DSP: variants seen among roughly 807,000 people sequenced by gnomAD.
DSP encodes the protein 250/210 kDa paraneoplastic pemphigus antigen.
Under a neutral mutation model 290.6 loss-of-function variants are expected in DSP, and 114 were observed. That is an observed-to-expected ratio of 0.39 (90% CI 0.34 to 0.46). DSP has a LOEUF of 0.46. DSP is among the 20% of genes least tolerant of loss of function. The pLI is 0.99. For synonymous variants in DSP, 1,311 were observed against 1,316.4 expected (o/e 1.00, Z 0.09); for missense variants, 3,230 against 3,495.8 (o/e 0.92, Z 1.92).
In DSP at chr6:7,582,741, G is replaced by A. The variant is rs747643627; in HGVS notation, c.5479G>A (p.Ala1827Thr). 2 of 1,613,784 alleles carry A rather than the reference G, an allele frequency of 1.2e-6. No homozygotes were observed. The highest frequency in any genetic ancestry group is 1.7e-6 in the Non-Finnish European group (2 of 1,179,816). ...VKIKVLEQDK[A>T]RLQRLEDELN... is the part of the protein sequence containing the mutation. ...AATCAAAGTCCTGGAGCAAGACAAG[G>A]CAAGGCTGCAGAGGCTGGAGGATGA... Residue 1827 changes from alanine to threonine, a missense_variant, in exon 24 of 24, where the codon GCA (alanine) becomes ACA (threonine). Transcript: ENST00000379802. The surrounding 1 kb of genome is among the most constrained non-coding windows in gnomAD (Gnocchi z 4.2).
chr6:7,574,998 A>T (rs987392133), intron 17 of DSP, among the ~76,000 whole-genome samples: 2 of 152,198 alleles, frequency 1.3e-5, no homozygotes, highest in African/African-American at 4.8e-5. Context: ...GTAATTCGTG[A>T]TGGGATTAGT....
Position 7,567,767 on chromosome 6 carries a change from C to G in DSP, c.1141-14C>G. 1 of 1,613,870 alleles carries G rather than the reference C, an allele frequency of 6.2e-7. No homozygotes were observed. The highest frequency in any genetic ancestry group is 1.1e-5 in the South Asian group (1 of 91,014). ...AGTTGCTGTTCATTCACTGATCACTCTCATCCTTCACAGTTTTTTGAAGAG... is the reference window on the plus strand; with the variant it reads ...AGTTGCTGTTCATTCACTGATCACTGTCATCCTTCACAGTTTTTTGAAGAG... On this transcript the variant is annotated splice_polypyrimidine_tract_variant and intron_variant, in intron 9 of 23. Transcript: ENST00000379802.
In DSP at chr6:7,583,447, A is replaced by C; in HGVS notation, c.6185A>C (p.His2062Pro). 5 of 1,614,156 alleles carry C rather than the reference A, an allele frequency of 3.1e-6. No individual in the cohort carries two copies. The highest frequency in any genetic ancestry group is 4.2e-6 in the Non-Finnish European group (5 of 1,180,032). The stretch of plus-strand genomic sequence containing the variant: ...GCTACAGGTGGTATAATTGATCCCC[A>C]TCGGAATGAGAAGCTGACTGTCGAC... ...QAATGGIIDP[H>P]RNEKLTVDSA... The change falls in exon 24 of 24, where the codon CAT becomes CCT. Residue 2062 changes from histidine to proline, a missense_variant. Coordinates refer to ENST00000379802, the MANE Select transcript of DSP (RefSeq NM_004415.4). This position sits in a 1 kb window ranked among gnomAD's most constrained non-coding sequence, Gnocchi z 4.0.
intron 1 of DSP, among the ~76,000 whole-genome samples, chr6:7,548,867 C>A (rs1475103970): frequency 6.6e-6 from 1 of 152,114 alleles, no homozygotes; most frequent in Non-Finnish European, 1.5e-5. Context: ...TGTTTTTCTT[C>A]CACTTTACTA....
At position 7,574,641 on chromosome 6, in the gene DSP, CT is replaced by C. The variant is rs750954662; in HGVS notation, c.2298-12del. On this transcript the variant is annotated splice_polypyrimidine_tract_variant and intron_variant, in intron 16 of 23. Transcript: ENST00000379802. Reference sequence around the variant, plus strand: ...ATGTCACTGGCAATTTTATGTGCTTCTTTTGCTCTTTCCAGCTTATGCACAG... The same window carrying C: ...ATGTCACTGGCAATTTTATGTGCTTCTTTGCTCTTTCCAGCTTATGCACAG... The C allele has an allele frequency of 3.1e-6, 5 of 1,613,938 alleles. 1 individual carries two copies. In the South Asian group the frequency reaches 5.5e-5, roughly 18 times the overall value.
chr6:7,571,624 T>C (rs1759056871), intron 14 of DSP, 40 bp downstream of exon 14: 5 of 1,611,834 alleles, frequency 3.1e-6, no homozygotes, highest in Non-Finnish European at 4.2e-6. Flanking sequence ...CAACCATCCA[T>C]ACCATTTTAA....
At chr6:7,543,695 GC>G (rs1758089174) in intron 1 of DSP, among the ~76,000 whole-genome samples, 1 of 151,954 alleles carries the variant, frequency 6.6e-6, no homozygotes, top group Non-Finnish European at 1.5e-5. Context: ...GCTCTTTTTG[GC>G]GTTTTCATGA....
Position 7,583,213 on chromosome 6 carries a change from A to T in DSP, c.5951A>T (p.Gln1984Leu), listed in dbSNP as rs749499739. The stretch of plus-strand genomic sequence containing the variant: ...ACAGCAATGCAGCTCTATGAGTGTC[A>T]GCTGATCGACAAAACAACCTTGGAC... The part of the protein sequence containing the change: ...KVTAMQLYEC[Q>L]LIDKTTLDKL... The change falls in exon 24 of 24, where the codon CAG (glutamine) becomes CTG (leucine). Residue 1984 changes from glutamine (Q) to leucine (L), a missense_variant. Around this residue, in one of 5 missense-constraint regions of DSP, gnomAD observed 1,714 missense variants for 1,844.5 expected, o/e 0.93. Coordinates refer to ENST00000379802, the MANE Select transcript of DSP (RefSeq NM_004415.4). This position sits in a 1 kb window ranked among gnomAD's most constrained non-coding sequence, Gnocchi z 4.0. 1.2e-6 allele frequency: 2 copies of T among 1,614,196 alleles called. No homozygotes were observed. The highest frequency in any genetic ancestry group is 1.7e-6 in the Non-Finnish European group (2 of 1,180,032).
Position 7,582,139 on chromosome 6 carries a change from GGT to G in DSP, c.5380-476_5380-475del, listed in dbSNP as rs10545097. Reference sequence around the variant, plus strand: ...GACAATATTTGTGTGTGGCTGGGTTGGTGTGTGTGTGTGTGTGTGTGTGTGTG... The same window carrying G: ...GACAATATTTGTGTGTGGCTGGGTTGGTGTGTGTGTGTGTGTGTGTGTGTG... On this transcript the variant is annotated intron_variant, in intron 23 of 23. Transcript: ENST00000379802. The surrounding 1 kb of genome is among the most constrained non-coding windows in gnomAD (Gnocchi z 4.2). 0.49 allele frequency among the ~76,000 whole-genome samples: 69,832 copies of G among 143,584 alleles called. 16,969 individuals carry two copies. The highest frequency in any genetic ancestry group is 0.52 in the Middle Eastern group (143 of 276). 94.2% of individuals were successfully genotyped at this position (143,584 alleles called of 152,430 possible).
chr6:7,585,082 G>T lies in DSP; in HGVS notation c.7820G>T (p.Ser2607Ile). Reference protein sequence around the residue: ...SSVRNLTIRSSSFSDTLEESS... With the variant: ...SSVRNLTIRSISFSDTLEESS... ...GTCAGGAATTTAACCATAAGGAGCA[G>T]CTCTTTTTCAGACACCCTGGAAGAA... The change falls in exon 24 of 24, where the codon AGC becomes ATC. Residue 2607 changes from serine (S) to isoleucine (I), a missense_variant. Around this residue, in one of 5 missense-constraint regions of DSP, gnomAD observed 582 missense variants for 555.4 expected, o/e 1.05. Transcript: ENST00000379802. The T allele has an allele frequency of 3.1e-6, 5 of 1,614,190 alleles. No individual in the cohort carries two copies. Among genetic ancestry groups the T allele is most frequent in the Non-Finnish European group, 4.2e-6 (5 of 1,180,032 alleles).
Position 7,584,860 on chromosome 6 carries a change from C to A in DSP, c.7598C>A (p.Ala2533Asp). The A allele has an allele frequency of 1.9e-6, 3 of 1,614,172 alleles. No homozygotes were observed. Among genetic ancestry groups the A allele is most frequent in the Non-Finnish European group, 2.5e-6 (3 of 1,180,026 alleles). Reference sequence around the variant, plus strand: ...GGCAGTCAGTATGATATTCAAGATGCTATTGACAAGGGCCTTGTTGACAGG... The same window carrying A: ...GGCAGTCAGTATGATATTCAAGATGATATTGACAAGGGCCTTGTTGACAGG... Reference protein sequence around the residue: ...KTGSQYDIQDAIDKGLVDRKF... With the variant: ...KTGSQYDIQDDIDKGLVDRKF... The change falls in exon 24 of 24, where the codon GCT becomes GAT. Residue 2533 changes from alanine (A) to aspartate (D), a missense_variant. Physicochemically the swap from Ala to Asp is moderately radical, Grantham distance 126. Transcript: ENST00000379802. The surrounding 1 kb of genome is among the most constrained non-coding windows in gnomAD (Gnocchi z 6.4).
At chr6:7,558,090 T>G in intron 2 of DSP, 26 bp from the exon 3 acceptor site, 1 of 1,614,162 alleles carries the variant, frequency 6.2e-7, no homozygotes, top group Non-Finnish European at 8.5e-7. Context: ...GTATGTGTTT[T>G]CCTTCATGTG....
chr6:7,551,230 A>T (rs1758332640), intron 1 of DSP, among the ~76,000 whole-genome samples: 1 of 152,186 alleles, frequency 6.6e-6, no homozygotes, highest in African/African-American at 2.4e-5. Context: ...ACAGATGGAG[A>T]TAGAAATTTC....
chr6:7,544,356 A>G (rs1339544299), intron 1 of DSP, among the ~76,000 whole-genome samples: 1 of 152,230 alleles, frequency 6.6e-6, no homozygotes, highest in Non-Finnish European at 1.5e-5. Flanking sequence ...TGCACTTTGT[A>G]GAAGCAGGGT....
Position 7,579,128 on chromosome 6 carries a change from A to G in DSP, c.3085-147A>G. The G allele has an allele frequency of 1.8e-6, 2 of 1,092,122 alleles. No homozygotes were observed. Among genetic ancestry groups the G allele is most frequent in the East Asian group, 5.2e-5 (2 of 38,566 alleles). 67.7% of individuals were successfully genotyped at this position (1,092,122 alleles called of 1,614,324 possible). On this transcript the variant is annotated intron_variant, in intron 22 of 23. Transcript: ENST00000379802. This position sits in a 1 kb window ranked among gnomAD's most constrained non-coding sequence, Gnocchi z 4.1. Reference sequence around the variant, plus strand: ...TATGATGAGAATCCAGATTTCTTGAATATTTGCCTAGTCACTCTTTGCATG... The same window carrying G: ...TATGATGAGAATCCAGATTTCTTGAGTATTTGCCTAGTCACTCTTTGCATG...
intron 1 of DSP, among the ~76,000 whole-genome samples, chr6:7,542,766 G>A (rs1758041547): frequency 6.6e-6 from 1 of 152,186 alleles, no homozygotes; most frequent in African/African-American, 2.4e-5. Flanking sequence ...GGACGTGCCT[G>A]TTACCTTCGG....
At chr6:7,554,082 A>AACACACACACACACACACACACAC (rs10658102) in intron 1 of DSP, among the ~76,000 whole-genome samples, 1,290 of 115,852 alleles carry the variant, frequency 0.011, 30 homozygotes, top group East Asian at 0.023. Flanking sequence ...CTTTCTTTAA[A>AACACACACACACACACACACACAC]ACACACACAC....
chr6:7,547,116 G>A (rs1758190024), intron 1 of DSP, among the ~76,000 whole-genome samples: 1 of 152,040 alleles, frequency 6.6e-6, no homozygotes. Flanking sequence ...TGGGAGCAGT[G>A]CCTCACCCCT....
chr6:7,575,308 A>T lies in DSP; in HGVS notation c.2450A>T (p.Asp817Val), dbSNP rs533471835. 1 of 1,613,880 alleles carries T rather than the reference A, an allele frequency of 6.2e-7. No homozygotes were observed. The highest frequency in any genetic ancestry group is 1.1e-5 in the South Asian group (1 of 91,070). ...YRCGLKKIKN[D>V]LNLKKSLLAT... ...TTCATCTTGCAGAAAATAAAAAATG[A>T]CTTGAACTTGAAGAAGTCGTTGTTG... The change falls in exon 18 of 24, where the codon GAC becomes GTC. Residue 817 changes from aspartate to valine, a missense_variant. Physicochemically the swap from Asp to Val is radical, Grantham distance 152. This residue lies in a region of DSP where 1,714 missense variants were observed against 1,844.5 expected (regional missense o/e 0.93). Coordinates refer to ENST00000379802, the MANE Select transcript of DSP (RefSeq NM_004415.4).
Sources: gnomAD v4.1 joint callset for allele counts (sites outside exome capture counted in the v4.1 genomes callset) on GRCh38, gnomAD v4.1.1 for gene constraint, gnomAD v4.1.1 regional missense constraint, Gnocchi (gnomAD v3.1) non-coding constraint, MANE v1.5 for transcripts, NCBI Gene and HGNC (gene_info 2026-07-23, HGNC 2026-07-21) for gene names.